Variants in RBM44 observed in about 807,000 individuals in gnomAD.
RBM44 encodes RNA-binding protein 44.
A neutral mutation model predicts 105.1 loss-of-function variants in RBM44; 66 were observed. The ratio of observed to expected loss-of-function variants is 0.63; its 90% confidence interval spans 0.52 to 0.77. RBM44 has a LOEUF of 0.77. Among genes scored for constraint, RBM44 ranks in the 30% least tolerant of loss-of-function variants. The pLI is 0.00. For synonymous variants in RBM44, 365 were observed against 417.6 expected, an observed-to-expected ratio of 0.87 and a Z score of 1.54; for missense variants, 1,122 against 1,207.8, an observed-to-expected ratio of 0.93 and a Z score of 1.05.
In RBM44 at chr2:237,823,450, C is replaced by G. The variant is rs1227349662; in HGVS notation, c.2216C>G (p.Ser739Ter). 2 of 1,453,204 alleles carry G rather than the reference C, an allele frequency of 1.4e-6. No homozygotes were observed. Among genetic ancestry groups the G allele is most frequent in the Non-Finnish European group, 1.9e-6 (2 of 1,061,884 alleles). 90.0% of individuals were successfully genotyped at this position (1,453,204 alleles called of 1,614,324 possible). Residue 739 changes from serine (S) to a stop codon, truncating the protein, a stop_gained, in exon 9 of 16, where the codon TCA (serine) becomes TGA (stop). Coordinates refer to ENST00000316997, the MANE Select transcript of RBM44 (RefSeq NM_001080504.3). LOFTEE classifies it high-confidence loss of function. ...LKKTLSQMSL[S>*]SDNSHATQNI... The stretch of plus-strand genomic sequence containing the variant: ...TATCTTAATCCTCAGATGTCTTTAT[C>G]ATCTGACAATAGTCATGCTACACAA...
At chr2:237,814,043 A>AT (rs1559909840) in intron 2 of RBM44, among the ~76,000 whole-genome samples, 1 of 152,072 alleles carries the variant, frequency 6.6e-6, no homozygotes, top group Non-Finnish European at 1.5e-5. Context: ...TCTGAAATGT[A>AT]TTTTTCCTGG....
At chr2:237,838,112 C>T (rs73086794) in intron 15 of RBM44, among the ~76,000 whole-genome samples, 3,438 of 152,254 alleles carry the variant, frequency 0.023, 135 homozygotes, top group African/African-American at 0.078. Flanking sequence ...CCACTCCAGC[C>T]TTCAGCATGA....
At chr2:237,808,489 A>AG (rs2061622040) in intron 1 of RBM44, among the ~76,000 whole-genome samples, 1 of 151,976 alleles carries the variant, frequency 6.6e-6, no homozygotes, top group African/African-American at 2.4e-5. Context: ...CAGAAAAAAA[A>AG]AAAAACTAGG....
intron 1 of RBM44, among the ~76,000 whole-genome samples, chr2:237,808,088 T>C (rs2061617437): frequency 6.6e-6 from 1 of 151,952 alleles, no homozygotes; most frequent in Non-Finnish European, 1.5e-5. Flanking sequence ...GACTGCAAAA[T>C]AACTATATTT....
At chr2:237,814,705 CAG>C (rs1281624955) in intron 2 of RBM44, among the ~76,000 whole-genome samples, 2 of 151,946 alleles carry the variant, frequency 1.3e-5, no homozygotes, top group Non-Finnish European at 2.9e-5. Context: ...AATCATGAAA[CAG>C]AAACAGGAAG....
chr2:237,818,483 A>G lies in RBM44; in HGVS notation c.1564A>G (p.Thr522Ala). The G allele has an allele frequency of 1.9e-6, 3 of 1,612,770 alleles. No homozygotes were observed. Among genetic ancestry groups the G allele is most frequent in the Non-Finnish European group, 2.5e-6 (3 of 1,179,324 alleles). Residue 522 changes from threonine (T) to alanine (A), a missense_variant, in exon 3 of 16, where the codon ACA becomes GCA. Around this residue, in one of 3 missense-constraint regions of RBM44, gnomAD observed 918 missense variants for 955.3 expected, o/e 0.96. Coordinates refer to ENST00000316997, the MANE Select transcript of RBM44 (RefSeq NM_001080504.3). The surrounding 1 kb of genome is among the most constrained non-coding windows in gnomAD (Gnocchi z 4.6). Reference protein sequence around the residue: ...NEKQKSVACSTDWSYSEDCID... With the variant: ...NEKQKSVACSADWSYSEDCID... ...GAAACAAAAAAGTGTGGCTTGTAGT[A>G]CAGATTGGTCATACAGTGAAGATTG...
Position 237,803,219 on chromosome 2 carries a change from A to G in RBM44, c.-19+4358A>G, listed in dbSNP as rs1296669871. On this transcript the variant is annotated intron_variant, in intron 1 of 15. Transcript: ENST00000316997. This position sits in a 1 kb window ranked among gnomAD's most constrained non-coding sequence, Gnocchi z 4.2. ...GAGGTAGGGGTTGCAGTGAGCCAAGATCACACCACTGCACTCCAGCCTGGG... is the reference window on the plus strand; with the variant it reads ...GAGGTAGGGGTTGCAGTGAGCCAAGGTCACACCACTGCACTCCAGCCTGGG... 6.6e-6 allele frequency among the ~76,000 whole-genome samples: 1 copy of G among 152,066 alleles called. No individual in the cohort carries two copies. The highest frequency in any genetic ancestry group is 1.5e-5 in the Non-Finnish European group (1 of 68,002).
chr2:237,813,673 C>T lies in RBM44; in HGVS notation c.64C>T (p.Leu22Phe), dbSNP rs777966484. Reference protein sequence around the residue: ...GKGYHSNGGNLQKDKPSNPKK... With the variant: ...GKGYHSNGGNFQKDKPSNPKK... The stretch of plus-strand genomic sequence containing the variant: ...AGGCTACCACAGTAATGGAGGCAAC[C>T]TCCAAAAAGGTAAGGGTCTAGTCCA... The change falls in exon 2 of 16, where the codon CTC becomes TTC. Residue 22 changes from leucine (L) to phenylalanine (F), a missense_variant. By Grantham distance (22) the Leu-to-Phe change is conservative (BLOSUM62 0). This residue lies in a region of RBM44 where 918 missense variants were observed against 955.3 expected (regional missense o/e 0.96). Transcript: ENST00000316997. The T allele has an allele frequency of 1.2e-6, 2 of 1,605,930 alleles. No individual in the cohort carries two copies. Among genetic ancestry groups the T allele is most frequent in the African/African-American group, 1.3e-5 (1 of 74,800 alleles).
At chr2:237,806,955 TTA>T (rs1411246350) in intron 1 of RBM44, among the ~76,000 whole-genome samples, 1 of 152,220 alleles carries the variant, frequency 6.6e-6, no homozygotes, top group African/African-American at 2.4e-5. Context: ...TATAAGATTG[TTA>T]TCTTTTTCAT....
At chr2:237,807,675 C>T (rs899426157) in intron 1 of RBM44, among the ~76,000 whole-genome samples, 13 of 152,104 alleles carry the variant, frequency 8.5e-5, no homozygotes, top group South Asian at 2.1e-4. Flanking sequence ...CAGAGTCTTT[C>T]GGGTGATCAG....
rs1394852161 is a variant in RBM44 at position 237,829,202 on chromosome 2, G to T, written c.2601-15G>T. The T allele has an allele frequency of 3.2e-6, 5 of 1,584,512 alleles. No individual in the cohort carries two copies. The Admixed American group carries it at 9.0e-5, about 29-fold the overall frequency. On this transcript the variant is annotated splice_polypyrimidine_tract_variant and intron_variant, in intron 12 of 15. Coordinates refer to ENST00000316997, the MANE Select transcript of RBM44 (RefSeq NM_001080504.3). ...GTCATTAACAACCTTTTGGTTTTCTGCTCTTATGTTTTAGATATGCATCTC... is the reference window on the plus strand; with the variant it reads ...GTCATTAACAACCTTTTGGTTTTCTTCTCTTATGTTTTAGATATGCATCTC...
chr2:237,823,239 A>G lies in RBM44; in HGVS notation c.2206-201A>G, dbSNP rs1468607628. Reference sequence around the variant, plus strand: ...ATACACAGACTGGATTCAAAGTGTAATTCTTGTTAACTGTGTAACATGAAG... The same window carrying G: ...ATACACAGACTGGATTCAAAGTGTAGTTCTTGTTAACTGTGTAACATGAAG... On this transcript the variant is annotated intron_variant, in intron 8 of 15. Coordinates refer to ENST00000316997, the MANE Select transcript of RBM44 (RefSeq NM_001080504.3). Among the ~76,000 whole-genome samples, 3 of 151,972 alleles carry G rather than the reference A, an allele frequency of 2.0e-5. No individual in the cohort carries two copies. In the East Asian group the frequency reaches 5.8e-4, roughly 29 times the overall value.
intron 2 of RBM44, among the ~76,000 whole-genome samples, chr2:237,815,919 C>T (rs1370645329): frequency 6.6e-6 from 1 of 152,088 alleles, no homozygotes. Context: ...CAACTCAATT[C>T]CAGTCACATG....
chr2:237,810,270 C>T, intron 1 of RBM44, among the ~76,000 whole-genome samples: 1 of 152,206 alleles, frequency 6.6e-6, no homozygotes, highest in Non-Finnish European at 1.5e-5. Context: ...GATCTCCAGA[C>T]CTCTATATCT....
At chr2:237,821,669 A>T in intron 7 of RBM44, 74 bp from the exon 8 acceptor site, 1 of 1,028,640 alleles carries the variant, frequency 9.7e-7, no homozygotes, top group Non-Finnish European at 1.5e-6. Flanking sequence ...TGAAATATAC[A>T]TTGTAGTTAA....
intron 1 of RBM44, among the ~76,000 whole-genome samples, chr2:237,809,268 G>A (rs2061631048): frequency 6.6e-6 from 1 of 151,992 alleles, no homozygotes; most frequent in Admixed American, 6.6e-5. Flanking sequence ...AGTACTTTAT[G>A]CATTAGGTCT....
At chr2:237,806,176 CTG>C (rs756986758) in intron 1 of RBM44, among the ~76,000 whole-genome samples, 4 of 152,132 alleles carry the variant, frequency 2.6e-5, no homozygotes, top group Non-Finnish European at 5.9e-5. Context: ...ATTATATCCT[CTG>C]TAATTTTAGT....
chr2:237,827,147 G>A, intron 10 of RBM44, 103 bp from the exon 11 acceptor site: 1 of 673,262 alleles, frequency 1.5e-6, no homozygotes, highest in South Asian at 2.0e-5. Flanking sequence ...AATAAACTCT[G>A]GGTTAGTAGA....
intron 15 of RBM44, among the ~76,000 whole-genome samples, chr2:237,838,472 T>C (rs925704040): frequency 5.9e-5 from 9 of 151,466 alleles, no homozygotes; most frequent in Non-Finnish European, 1.2e-4. Flanking sequence ...AGATTAAATA[T>C]GTGGTAGGTC....
Sources: gnomAD v4.1 joint callset for allele counts (sites outside exome capture counted in the v4.1 genomes callset) on GRCh38, gnomAD v4.1.1 for gene constraint, gnomAD v4.1.1 regional missense constraint, Gnocchi (gnomAD v3.1) non-coding constraint, MANE v1.5 for transcripts, NCBI Gene and HGNC (gene_info 2026-07-23, HGNC 2026-07-21) for gene names.